Variants in FGGY observed in about 807,000 individuals in gnomAD.
FGGY encodes the protein FGGY carbohydrate kinase domain-containing protein.
In FGGY, 72 loss-of-function variants were observed where a neutral mutation model predicts 71.3. The ratio of observed to expected loss-of-function variants is 1.01; its 90% CI spans 0.84 to 1.23. The LOEUF (loss-of-function observed/expected upper bound fraction) is 1.23, where lower values mean the gene tolerates loss of function less well. FGGY is among the 50% of genes most tolerant of loss of function. The pLI, the probability that FGGY is intolerant of heterozygous loss-of-function variation, is 0.00. For synonymous variants in FGGY, 251 were observed against 250.3 expected, an observed-to-expected ratio of 1.00 and a Z score of -0.02; for missense variants, 668 against 682.3, an observed-to-expected ratio of 0.98 and a Z score of 0.23.
intron 2 of FGGY, among the ~76,000 whole-genome samples, chr1:59,336,100 C>T (rs1427200659): frequency 2.0e-5 from 3 of 152,088 alleles, no homozygotes; most frequent in African/African-American, 4.8e-5. Flanking sequence ...TTTTCTTCTA[C>T]ACATTTTATA....
chr1:59,378,270 T>TC (rs1385501215), intron 4 of FGGY, among the ~76,000 whole-genome samples: 1 of 152,098 alleles, frequency 6.6e-6, no homozygotes, highest in Non-Finnish European at 1.5e-5. Flanking sequence ...AGGGCAGTTT[T>TC]CCCCATGCTG....
intron 14 of FGGY, among the ~76,000 whole-genome samples, chr1:59,752,991 A>C (rs1187271369): frequency 6.6e-6 from 1 of 152,192 alleles, no homozygotes; most frequent in Non-Finnish European, 1.5e-5. Flanking sequence ...TTTACAAAAT[A>C]TTTTGTTTTT....
chr1:59,565,816 C>T (rs1211365663), intron 8 of FGGY, among the ~76,000 whole-genome samples: 2 of 152,136 alleles, frequency 1.3e-5, no homozygotes, highest in African/African-American at 2.4e-5. Flanking sequence ...TTCCCTTTTT[C>T]CCAGTCTTCC....
intron 5 of FGGY, among the ~76,000 whole-genome samples, chr1:59,413,656 A>G (rs2063919611): frequency 6.6e-6 from 1 of 152,222 alleles, no homozygotes; most frequent in East Asian, 1.9e-4. Flanking sequence ...AACATAAAAA[A>G]AAACCCAGAC....
intron 5 of FGGY, among the ~76,000 whole-genome samples, chr1:59,405,490 T>G (rs1410332006): frequency 6.6e-6 from 1 of 152,250 alleles, no homozygotes; most frequent in African/African-American, 2.4e-5. Flanking sequence ...GTTTTATGGC[T>G]AGTAGCACCT....
chr1:59,509,870 A>G (rs1215597729), intron 6 of FGGY, among the ~76,000 whole-genome samples: 1 of 151,490 alleles, frequency 6.6e-6, no homozygotes, highest in African/African-American at 2.4e-5. Context: ...CACCCTGCTA[A>G]TCCTGTCTAG....
At chr1:59,542,676 G>A (rs1044765204) in intron 7 of FGGY, among the ~76,000 whole-genome samples, 2 of 151,878 alleles carry the variant, frequency 1.3e-5, no homozygotes, top group South Asian at 2.1e-4. Flanking sequence ...GGCTGGTCTC[G>A]AGCTCCCAAT....
At chr1:59,405,069 A>G (rs2062541216) in intron 5 of FGGY, among the ~76,000 whole-genome samples, 1 of 152,218 alleles carries the variant, frequency 6.6e-6, no homozygotes, top group African/African-American at 2.4e-5. Flanking sequence ...GCAAAAGGAT[A>G]TAATTCATTT....
intron 5 of FGGY, among the ~76,000 whole-genome samples, chr1:59,410,209 T>G (rs982550452): frequency 1.3e-5 from 2 of 152,254 alleles, no homozygotes; most frequent in African/African-American, 4.8e-5. Context: ...GCTTGCTTTC[T>G]TAGTTTCAGT....
At chr1:59,614,934 A>T (rs557939769) in intron 9 of FGGY, among the ~76,000 whole-genome samples, 2 of 152,204 alleles carry the variant, frequency 1.3e-5, no homozygotes, top group Non-Finnish European at 2.9e-5. Context: ...TAGGAATCCA[A>T]CTTACAAGGG....
intron 5 of FGGY, among the ~76,000 whole-genome samples, chr1:59,447,293 C>G (rs1330559190): frequency 1.3e-5 from 2 of 152,172 alleles, no homozygotes; most frequent in African/African-American, 4.8e-5. Context: ...ATACCTTCTG[C>G]TCTCCCAATT....
At chr1:59,448,043 A>C (rs2071726770) in intron 5 of FGGY, among the ~76,000 whole-genome samples, 1 of 151,864 alleles carries the variant, frequency 6.6e-6, no homozygotes, top group African/African-American at 2.4e-5. Flanking sequence ...CACCTCCTGA[A>C]CTTTTTGGGT....
chr1:59,604,459 G>T (rs2096604929), intron 8 of FGGY, among the ~76,000 whole-genome samples: 1 of 152,138 alleles, frequency 6.6e-6, no homozygotes, highest in African/African-American at 2.4e-5. Context: ...CACAAACAGA[G>T]GTCAACTCAA....
chr1:59,354,203 GAGTAACTGGGACTA>G (rs1292616680), intron 4 of FGGY, among the ~76,000 whole-genome samples: 1 of 152,024 alleles, frequency 6.6e-6, no homozygotes, highest in African/African-American at 2.4e-5. Context: ...CCAGCCTCCT[GAGTAACTGGGACTA>G]CAGGCACACA....
chr1:59,716,709 G>A (rs1422621945), intron 14 of FGGY, among the ~76,000 whole-genome samples: 1 of 152,168 alleles, frequency 6.6e-6, no homozygotes, highest in Non-Finnish European at 1.5e-5. Flanking sequence ...AGAGAGCTGG[G>A]AACAAGAGAG....
At chr1:59,462,211 G>T (rs1461985537) in intron 6 of FGGY, among the ~76,000 whole-genome samples, 2 of 152,114 alleles carry the variant, frequency 1.3e-5, no homozygotes, top group Non-Finnish European at 2.9e-5. Context: ...ATGGGGAAAG[G>T]ATTCCCTATT....
intron 14 of FGGY, among the ~76,000 whole-genome samples, chr1:59,757,304 C>T (rs2098300347): frequency 6.6e-6 from 1 of 152,162 alleles, no homozygotes; most frequent in African/African-American, 2.4e-5. Context: ...ACCATGTCTA[C>T]CCAGATGCTG....
chr1:59,504,254 A>G (rs2094318799), intron 6 of FGGY, among the ~76,000 whole-genome samples: 1 of 152,038 alleles, frequency 6.6e-6, no homozygotes, highest in Non-Finnish European at 1.5e-5. Context: ...TATCCTTTGT[A>G]ATAGTATTTA....
chr1:59,731,377 G>T (rs1191348052), intron 14 of FGGY, among the ~76,000 whole-genome samples: 1 of 152,168 alleles, frequency 6.6e-6, no homozygotes, highest in African/African-American at 2.4e-5. Context: ...AAAGTGTCCA[G>T]ATGTGCGTGG....
Sources: gnomAD v4.1 joint callset for allele counts (sites outside exome capture counted in the v4.1 genomes callset) on GRCh38, gnomAD v4.1.1 for gene constraint, MANE v1.5 for transcripts, NCBI Gene and HGNC (gene_info 2026-07-23, HGNC 2026-07-21) for gene names.